RBFOX1: variants seen among roughly 807,000 people sequenced by gnomAD.
The protein encoded by RBFOX1 is RNA binding fox-1 homolog 1.
In RBFOX1, 8 loss-of-function variants were observed where a neutral mutation model predicts 57.7. That is an observed-to-expected ratio of 0.14 (90% CI 0.08 to 0.25). The LOEUF is 0.25. Ranked by LOEUF, RBFOX1 falls within the 10% of genes least tolerant of loss-of-function variation. The pLI, the probability that RBFOX1 is intolerant of heterozygous loss-of-function variation, is 1.00. For synonymous variants in RBFOX1, 326 were observed against 222.4 expected (o/e 1.47, Z -4.15); for missense variants, 611 against 548.5 (o/e 1.11, Z -1.14).
intron 3 of RBFOX1, among the ~76,000 whole-genome samples, chr16:6,919,917 C>G (rs950521180): frequency 1.3e-5 from 2 of 151,938 alleles, no homozygotes; most frequent in African/African-American, 2.4e-5. Flanking sequence ...AGTGTGTCAT[C>G]TTTTATCCTT....
intron 2 of RBFOX1, among the ~76,000 whole-genome samples, chr16:6,624,827 T>C (rs2098280839): frequency 6.6e-6 from 1 of 152,140 alleles, no homozygotes; most frequent in South Asian, 2.1e-4. Context: ...GCACATACCA[T>C]GTATAACCCC....
At chr16:7,404,023 A>ATTTCC (rs1483803094) in intron 4 of RBFOX1, among the ~76,000 whole-genome samples, 5 of 142,630 alleles carry the variant, frequency 3.5e-5, no homozygotes, top group African/African-American at 1.3e-4. Context: ...TCCTGATTTC[A>ATTTCC]TTTCCTTTTA....
At chr16:7,652,924 A>G (rs902562479) in intron 11 of RBFOX1, among the ~76,000 whole-genome samples, 7 of 152,226 alleles carry the variant, frequency 4.6e-5, no homozygotes, top group African/African-American at 1.4e-4. Flanking sequence ...ATATCTGTAC[A>G]TGAAGGAAAC....
intron 4 of RBFOX1, among the ~76,000 whole-genome samples, chr16:7,295,523 A>G (rs1029447447): frequency 2.0e-5 from 3 of 152,172 alleles, no homozygotes; most frequent in Non-Finnish European, 4.4e-5. Flanking sequence ...AGGAAGGAAA[A>G]GTATCATTAT....
chr16:7,289,218 G>T (rs1314361942), intron 4 of RBFOX1, among the ~76,000 whole-genome samples: 2 of 152,166 alleles, frequency 1.3e-5, no homozygotes, highest in African/African-American at 2.4e-5. Flanking sequence ...CACTAGAGTT[G>T]AGAGAGAAAG....
intron 4 of RBFOX1, among the ~76,000 whole-genome samples, chr16:5,908,233 TATATAC>T (rs1275432860): frequency 1.5e-5 from 2 of 132,170 alleles, no homozygotes; most frequent in African/African-American, 3.9e-5. Context: ...TACACACATA[TATATAC>T]ATATACATAC....
At chr16:7,136,984 C>T (rs1457338226) in intron 4 of RBFOX1, among the ~76,000 whole-genome samples, 1 of 152,196 alleles carries the variant, frequency 6.6e-6, no homozygotes, top group African/African-American at 2.4e-5. Flanking sequence ...GCCCTGCCTC[C>T]CTGCAACAGG....
chr16:7,111,710 T>G (rs1332498832), intron 4 of RBFOX1, among the ~76,000 whole-genome samples: 1 of 152,194 alleles, frequency 6.6e-6, no homozygotes, highest in Non-Finnish European at 1.5e-5. Context: ...GAGGTTAGTC[T>G]GAAAGGACCT....
chr16:5,886,485 C>G (rs1054808436), intron 4 of RBFOX1, among the ~76,000 whole-genome samples: 1 of 152,222 alleles, frequency 6.6e-6, no homozygotes. Context: ...CTCCATGGAT[C>G]ATTCAGGTTC....
intron 3 of RBFOX1, among the ~76,000 whole-genome samples, chr16:6,728,646 G>A (rs748152853): frequency 6.6e-5 from 10 of 152,146 alleles, no homozygotes; most frequent in Admixed American, 2.0e-4. Context: ...GCTAATGTTG[G>A]ATATTGATTC....
At chr16:5,636,970 C>T (rs977375640) in intron 3 of RBFOX1, among the ~76,000 whole-genome samples, 4 of 152,188 alleles carry the variant, frequency 2.6e-5, no homozygotes, top group Admixed American at 2.6e-4. Flanking sequence ...GCTGCTAATC[C>T]ATATGCATTT....
chr16:6,299,299 T>C (rs942032641), intron 1 of RBFOX1, among the ~76,000 whole-genome samples: 1 of 152,236 alleles, frequency 6.6e-6, no homozygotes, highest in Admixed American at 6.5e-5. Context: ...GTGATAACCA[T>C]GTTATTTACT....
chr16:5,652,245 T>G (rs1471306548), intron 3 of RBFOX1, among the ~76,000 whole-genome samples: 1 of 152,198 alleles, frequency 6.6e-6, no homozygotes, highest in East Asian at 1.9e-4. Context: ...TATATTTGAT[T>G]TTATTTACTT....
At chr16:7,314,286 C>G (rs866905616) in intron 4 of RBFOX1, among the ~76,000 whole-genome samples, 1 of 152,302 alleles carries the variant, frequency 6.6e-6, no homozygotes, top group East Asian at 1.9e-4. Context: ...TTATACACCC[C>G]GCACCACTGC....
intron 4 of RBFOX1, among the ~76,000 whole-genome samples, chr16:5,921,578 A>C (rs2058822557): frequency 6.6e-6 from 1 of 152,190 alleles, no homozygotes; most frequent in South Asian, 2.1e-4. Context: ...TATTTCTGGA[A>C]AGGTAATGAA....
chr16:7,196,145 A>G (rs547146038), intron 4 of RBFOX1, among the ~76,000 whole-genome samples: 1 of 152,266 alleles, frequency 6.6e-6, no homozygotes, highest in African/African-American at 2.4e-5. Flanking sequence ...AAAGGAAGTA[A>G]AGGAACAGGC....
chr16:7,298,968 A>G (rs1469280341), intron 4 of RBFOX1, among the ~76,000 whole-genome samples: 1 of 152,152 alleles, frequency 6.6e-6, no homozygotes, highest in Non-Finnish European at 1.5e-5. Context: ...AGTCAACTGT[A>G]TTTGCTTTTA....
chr16:6,092,104 C>G (rs1194661182), intron 1 of RBFOX1, among the ~76,000 whole-genome samples: 1 of 152,200 alleles, frequency 6.6e-6, no homozygotes, highest in East Asian at 1.9e-4. Context: ...ATTCTCCTCT[C>G]TATTTTCTTC....
chr16:5,663,925 C>T (rs1259169394), intron 3 of RBFOX1, among the ~76,000 whole-genome samples: 1 of 152,164 alleles, frequency 6.6e-6, no homozygotes, highest in African/African-American at 2.4e-5. Flanking sequence ...GCAAATGGGG[C>T]AGTCGCCTTC....
Sources: gnomAD v4.1 joint callset for allele counts (sites outside exome capture counted in the v4.1 genomes callset) on GRCh38, gnomAD v4.1.1 for gene constraint, MANE v1.5 for transcripts, NCBI Gene and HGNC (gene_info 2026-07-23, HGNC 2026-07-21) for gene names.